Variants in VTI1A observed in about 807,000 individuals in gnomAD.
VTI1A encodes vesicle transport through interaction with t-SNAREs 1A.
In VTI1A, 22 loss-of-function variants were observed where a neutral mutation model predicts 34.9. That is an observed-to-expected ratio of 0.63 (90% CI 0.45 to 0.90). The LOEUF (loss-of-function observed/expected upper bound fraction) is 0.90. Among genes scored for constraint, VTI1A ranks in the 40% least tolerant of loss-of-function variants. The probability of loss-of-function intolerance (pLI) is 0.00; values close to 1 mark genes in which losing one functional copy is unlikely to be tolerated. For synonymous variants in VTI1A, 87 were observed against 97.3 expected, an observed-to-expected ratio of 0.89 and a Z score of 0.62; for missense variants, 268 against 275.6, an observed-to-expected ratio of 0.97 and a Z score of 0.20.
intron 7 of VTI1A, among the ~76,000 whole-genome samples, chr10:112,813,049 C>T (rs1034933959): frequency 1.3e-5 from 2 of 152,210 alleles, no homozygotes; most frequent in Non-Finnish European, 2.9e-5. Context: ...CTGTGTGCAA[C>T]GCGACTGTGC....
intron 7 of VTI1A, among the ~76,000 whole-genome samples, chr10:112,731,288 A>C (rs1157787491): frequency 6.6e-6 from 1 of 152,156 alleles, no homozygotes; most frequent in Non-Finnish European, 1.5e-5. Flanking sequence ...AATAAACTCC[A>C]TAAGGCCAGG....
At chr10:112,537,411 G>A (rs374603790) in intron 4 of VTI1A, among the ~76,000 whole-genome samples, 1 of 144,380 alleles carries the variant, frequency 6.9e-6, no homozygotes, top group South Asian at 2.2e-4. Flanking sequence ...TAGATCTAAT[G>A]TATGATCATT....
intron 7 of VTI1A, among the ~76,000 whole-genome samples, chr10:112,782,421 G>A (rs1312080280): frequency 6.6e-6 from 1 of 152,278 alleles, no homozygotes; most frequent in Admixed American, 6.5e-5. Flanking sequence ...GGAAGCGCAT[G>A]CTCTTTCTCC....
intron 5 of VTI1A, among the ~76,000 whole-genome samples, chr10:112,613,217 C>A (rs1845385912): frequency 1.3e-5 from 2 of 152,080 alleles, no homozygotes; most frequent in African/African-American, 2.4e-5. Context: ...TAATAATAGT[C>A]TTTTAGTTGC....
intron 5 of VTI1A, among the ~76,000 whole-genome samples, chr10:112,619,181 G>T (rs139562431): frequency 3.4e-4 from 52 of 151,706 alleles, no homozygotes; most frequent in African/African-American, 1.2e-3. Context: ...CTGACTTCAT[G>T]ATTGAAGGGA....
At chr10:112,829,489 G>C in the VTI1A span, among the ~76,000 whole-genome samples, 1 of 150,060 alleles carries the variant, frequency 6.7e-6, no homozygotes, top group Non-Finnish European at 1.5e-5. Context: ...GGTGGCTCAC[G>C]CCTATAATCC....
chr10:112,731,498 C>CCA (rs1850256662), intron 7 of VTI1A, among the ~76,000 whole-genome samples: 1 of 151,784 alleles, frequency 6.6e-6, no homozygotes, highest in African/African-American at 2.4e-5. Context: ...TCGCTTGAAC[C>CCA]TGGAAGGTGG....
intron 7 of VTI1A, among the ~76,000 whole-genome samples, chr10:112,697,402 T>TTCTTTC (rs201869917): frequency 6.9e-6 from 1 of 145,760 alleles, no homozygotes; most frequent in African/African-American, 2.5e-5. Flanking sequence ...TTCTTTTCTT[T>TTCTTTC]TTTTTTTTTT....
At chr10:112,487,379 C>T (rs1422735689) in intron 3 of VTI1A, among the ~76,000 whole-genome samples, 1 of 152,182 alleles carries the variant, frequency 6.6e-6, no homozygotes, top group African/African-American at 2.4e-5. Flanking sequence ...CTGCCTCAGC[C>T]TCCCAAAGTG....
At chr10:112,650,165 G>A (rs906852539) in intron 5 of VTI1A, among the ~76,000 whole-genome samples, 10 of 152,224 alleles carry the variant, frequency 6.6e-5, no homozygotes, top group Admixed American at 2.0e-4. Flanking sequence ...TTGTACAGCT[G>A]TACAAAAATA....
At chr10:112,712,474 TCACACACACACACA>T (rs60129148) in intron 7 of VTI1A, among the ~76,000 whole-genome samples, 5 of 143,404 alleles carry the variant, frequency 3.5e-5, no homozygotes, top group East Asian at 2.1e-4. Flanking sequence ...TCAACTATTA[TCACACACACACACA>T]CACACACACA....
chr10:112,691,772 A>G (rs1306637031), intron 7 of VTI1A, among the ~76,000 whole-genome samples: 2 of 152,238 alleles, frequency 1.3e-5, no homozygotes, highest in African/African-American at 2.4e-5. Context: ...ATGTGAGACT[A>G]TGCAGCAATG....
intron 3 of VTI1A, among the ~76,000 whole-genome samples, chr10:112,515,116 CT>C (rs1224962606): frequency 6.6e-6 from 1 of 151,860 alleles, no homozygotes; most frequent in African/African-American, 2.4e-5. Context: ...GTTTTTGACC[CT>C]TACTTATTTT....
intron 7 of VTI1A, among the ~76,000 whole-genome samples, chr10:112,766,106 T>C (rs1261677452): frequency 2.6e-5 from 4 of 152,206 alleles, no homozygotes; most frequent in Admixed American, 2.6e-4. Context: ...GAGAGAGTGG[T>C]ATGAGGTCAG....
At chr10:112,457,094 A>C (rs2134031545) in intron 1 of VTI1A, among the ~76,000 whole-genome samples, 1 of 152,352 alleles carries the variant, frequency 6.6e-6, no homozygotes, top group South Asian at 2.1e-4. Context: ...TTTGGGTAGC[A>C]ATGAACAGTC....
intron 5 of VTI1A, among the ~76,000 whole-genome samples, chr10:112,661,665 G>T (rs1232846638): frequency 6.6e-6 from 1 of 151,760 alleles, no homozygotes; most frequent in Non-Finnish European, 1.5e-5. Flanking sequence ...TAGCACCTTG[G>T]AAAGTTGTTC....
At position 112,464,501 on chromosome 10, in the gene VTI1A, A is replaced by G. The variant is rs753467304; in HGVS notation, c.154-46A>G. On this transcript the variant is annotated intron_variant, in intron 2 of 7. Transcript: ENST00000393077. ...TCAGCCGTAAACATTTGTTCAAATA[A>G]GAATAACAGTGTGTTTTAAATCACA... is the stretch of plus-strand genomic sequence containing the variant. 6 of 1,511,612 alleles carry G rather than the reference A, an allele frequency of 4.0e-6. No homozygotes were observed. In the African/African-American group the frequency reaches 8.4e-5, roughly 21 times the overall value. The allele number at this position is 1,511,612 out of a possible 1,614,324, so 93.6% of individuals were successfully genotyped here.
intron 3 of VTI1A, among the ~76,000 whole-genome samples, chr10:112,510,856 G>T (rs1849583422): frequency 6.6e-6 from 1 of 152,086 alleles, no homozygotes; most frequent in Non-Finnish European, 1.5e-5. Flanking sequence ...GTAAAATAAA[G>T]TCTCATATTT....
chr10:112,600,586 A>C lies in VTI1A; in HGVS notation c.427+62256A>C, dbSNP rs1423364153. 2.6e-5 allele frequency among the ~76,000 whole-genome samples: 4 copies of C among 152,164 alleles called. 1 individual carries two copies. Among genetic ancestry groups the C allele is most frequent in the Admixed American group, 2.0e-4 (3 of 15,284 alleles). ...GCGCTTTCCTGACCACCAGTCTAAA[A>C]TAGCATCTTTCATTTTCACCTTACC... On this transcript the variant is annotated intron_variant, in intron 5 of 7. Coordinates refer to ENST00000393077, the MANE Select transcript of VTI1A (RefSeq NM_145206.4).
Sources: gnomAD v4.1 joint callset for allele counts (sites outside exome capture counted in the v4.1 genomes callset) on GRCh38, gnomAD v4.1.1 for gene constraint, MANE v1.5 for transcripts, NCBI Gene and HGNC (gene_info 2026-07-23, HGNC 2026-07-21) for gene names.